Variants in PRKAG2 observed in about 807,000 individuals in gnomAD.
PRKAG2 encodes 5'-AMP-activated protein kinase subunit gamma-2.
In PRKAG2, 26 loss-of-function variants were observed where a neutral mutation model predicts 69.6. The observed-to-expected ratio is 0.37, with a 90% CI of 0.27 to 0.52. The LOEUF (loss-of-function observed/expected upper bound fraction) is 0.52. PRKAG2 is among the 20% of genes least tolerant of loss of function. The pLI, the probability that PRKAG2 is intolerant of heterozygous loss-of-function variation, is 0.90. For missense variants in PRKAG2, 557 were observed against 740.0 expected, an observed-to-expected ratio of 0.75 and a Z score of 2.87; for synonymous variants, 293 against 285.0, an observed-to-expected ratio of 1.03 and a Z score of -0.28.
At chr7:151,844,481 T>C (rs1939851269) in intron 1 of PRKAG2, among the ~76,000 whole-genome samples, 3 of 152,168 alleles carry the variant, frequency 2.0e-5, no homozygotes. Context: ...TGGGTGAGCG[T>C]GTCCATCGGA....
chr7:151,669,756 G>GCA (rs758017396), intron 4 of PRKAG2, among the ~76,000 whole-genome samples: 39 of 150,460 alleles, frequency 2.6e-4, no homozygotes, highest in African/African-American at 9.3e-4. Flanking sequence ...ACACCTGCAT[G>GCA]CACACACACC....
intron 1 of PRKAG2, among the ~76,000 whole-genome samples, chr7:151,875,562 G>GGTGTGTGTGTGTGTGTGTGTGTGT (rs55660204): frequency 8.4e-5 from 11 of 131,398 alleles, no homozygotes; most frequent in East Asian, 5.3e-4. Flanking sequence ...GGAGCACTCT[G>GGTGTGTGTGTGTGTGTGTGTGTGT]GTGTGTGTGT....
At chr7:151,779,815 G>A (rs983789168) in intron 3 of PRKAG2, among the ~76,000 whole-genome samples, 8 of 152,180 alleles carry the variant, frequency 5.3e-5, no homozygotes, top group African/African-American at 1.9e-4. Context: ...CCTGTGTGAC[G>A]TGGAGCCCTC....
chr7:151,795,479 C>T (rs34698098), intron 1 of PRKAG2, among the ~76,000 whole-genome samples: 12,824 of 152,132 alleles, frequency 0.084, 793 homozygotes, highest in Non-Finnish European at 0.12. Context: ...GGACAGGGAG[C>T]GCTGGGCTCC....
rs1485972149 is a variant in PRKAG2 at position 151,614,997 on chromosome 7, T to C, written c.754+17072A>G. ...AGAGGGAACCTCGAGAGAGGAGCCG[T>C]GTGGATCCAGAGGGAACCCCGAGAC... On this transcript the variant is annotated intron_variant, in intron 5 of 15. Coordinates refer to ENST00000287878, the MANE Select transcript of PRKAG2 (RefSeq NM_016203.4). This position sits in a 1 kb window ranked among gnomAD's most constrained non-coding sequence, Gnocchi z 4.4. Among the ~76,000 whole-genome samples, 1 of 152,108 alleles carries C rather than the reference T, an allele frequency of 6.6e-6. No individual in the cohort carries two copies. Among genetic ancestry groups the C allele is most frequent in the Non-Finnish European group, 1.5e-5 (1 of 68,030 alleles).
chr7:151,568,895 A>G lies in PRKAG2; in HGVS notation c.1107-53T>C. ...GGAGGCTTTCGAGAAAAATCAGAAC[A>G]CTTTGGACTACCCCTGCCTTAAAGC... On this transcript the variant is annotated intron_variant, in intron 10 of 15. Transcript: ENST00000287878. The G allele has an allele frequency of 1.9e-6, 3 of 1,599,544 alleles. 1 individual carries two copies. Among genetic ancestry groups the G allele is most frequent in the Non-Finnish European group, 2.6e-6 (3 of 1,168,162 alleles).
chr7:151,794,614 C>T (rs1311825462), intron 1 of PRKAG2, among the ~76,000 whole-genome samples: 2 of 152,266 alleles, frequency 1.3e-5, no homozygotes, highest in South Asian at 2.1e-4. Flanking sequence ...CCTCATGCGG[C>T]TCCCGCGGAA....
intron 3 of PRKAG2, among the ~76,000 whole-genome samples, chr7:151,713,969 A>G (rs1267015982): frequency 6.6e-6 from 1 of 152,188 alleles, no homozygotes; most frequent in Non-Finnish European, 1.5e-5. Flanking sequence ...ACCCCAGATC[A>G]AATATATCAC....
At chr7:151,833,457 C>G (rs917775406) in intron 1 of PRKAG2, among the ~76,000 whole-genome samples, 4 of 152,188 alleles carry the variant, frequency 2.6e-5, no homozygotes, top group Non-Finnish European at 5.9e-5. Context: ...GCAGGGAGGG[C>G]CCTGGGGAAG....
chr7:151,652,248 T>C (rs1193501099), intron 4 of PRKAG2, among the ~76,000 whole-genome samples: 1 of 152,188 alleles, frequency 6.6e-6, no homozygotes, highest in African/African-American at 2.4e-5. Context: ...TACACTCCTC[T>C]CTTTTTTTCC....
chr7:151,831,904 G>C (rs1469821112), intron 1 of PRKAG2, among the ~76,000 whole-genome samples: 1 of 152,162 alleles, frequency 6.6e-6, no homozygotes, highest in African/African-American at 2.4e-5. Context: ...CACTTCCCCA[G>C]AACCGAGACG....
chr7:151,600,398 C>A (rs959711129), intron 5 of PRKAG2, among the ~76,000 whole-genome samples: 3 of 152,210 alleles, frequency 2.0e-5, no homozygotes, highest in Admixed American at 2.0e-4. Flanking sequence ...AAAGGAGCCC[C>A]ACAATTTTGT....
chr7:151,682,833 C>T (rs7780035), intron 3 of PRKAG2, among the ~76,000 whole-genome samples: 3 of 149,956 alleles, frequency 2.0e-5, no homozygotes, highest in East Asian at 2.0e-4. Context: ...GGGGGTGGGA[C>T]GGTGGCTCAG....
rs775005432 is a variant in PRKAG2, at chr7:151,574,899, A to C, written c.997T>G (p.Ser333Ala). ...FINILHRYYK[S>A]PMVQIYELEE... ...GAACTGGTGCCACTTACCATAGGTG[A>C]TTTATAGTATCTATGTAGTATATTT... is the stretch of plus-strand genomic sequence containing the variant. The change falls in exon 8 of 16, where the codon TCA (serine) becomes GCA (alanine). Residue 333 changes from serine (S) to alanine (A), a missense_variant. Around this residue, in one of 2 missense-constraint regions of PRKAG2, gnomAD observed 205 missense variants for 383.4 expected, o/e 0.53. Coordinates refer to ENST00000287878, the MANE Select transcript of PRKAG2 (RefSeq NM_016203.4). 6 of 1,613,704 alleles carry C rather than the reference A, an allele frequency of 3.7e-6. No individual in the cohort carries two copies. The highest frequency in any genetic ancestry group is 5.1e-6 in the Non-Finnish European group (6 of 1,179,784).
chr7:151,838,730 G>GTA (rs2079206730), intron 1 of PRKAG2, among the ~76,000 whole-genome samples: 2 of 140,426 alleles, frequency 1.4e-5, no homozygotes, highest in Non-Finnish European at 3.1e-5. Flanking sequence ...AAAAAGTAAA[G>GTA]AAGGCCAGGC....
At chr7:151,715,777 C>G (rs936178823) in intron 3 of PRKAG2, among the ~76,000 whole-genome samples, 2 of 151,928 alleles carry the variant, frequency 1.3e-5, no homozygotes, top group Non-Finnish European at 2.9e-5. Context: ...AGGCAGCGAA[C>G]AGGAAAGCCA....
chr7:151,652,724 C>T (rs1828740210), intron 4 of PRKAG2, among the ~76,000 whole-genome samples: 2 of 152,112 alleles, frequency 1.3e-5, no homozygotes, highest in Admixed American at 6.6e-5. Context: ...AACCTCTTCA[C>T]CCCCAGGCTC....
At chr7:151,670,185 C>T (rs2536054) in intron 4 of PRKAG2, among the ~76,000 whole-genome samples, 101,774 of 152,170 alleles carry the variant, frequency 0.67, 34,126 homozygotes, top group Admixed American at 0.69. Context: ...CACACACATG[C>T]ACTCACATAT....
chr7:151,718,171 G>T (rs113842229), intron 3 of PRKAG2, among the ~76,000 whole-genome samples: 8 of 152,238 alleles, frequency 5.3e-5, no homozygotes, highest in African/African-American at 1.9e-4. Flanking sequence ...ATTTTCTTAC[G>T]GTTCTGGGGG....
Sources: gnomAD v4.1 joint callset for allele counts (sites outside exome capture counted in the v4.1 genomes callset) on GRCh38, gnomAD v4.1.1 for gene constraint, gnomAD v4.1.1 regional missense constraint, Gnocchi (gnomAD v3.1) non-coding constraint, MANE v1.5 for transcripts, NCBI Gene and HGNC (gene_info 2026-07-23, HGNC 2026-07-21) for gene names.